Variants in CACNB2 observed in about 807,000 individuals in gnomAD.
The protein encoded by CACNB2 is voltage-dependent L-type calcium channel subunit beta-2.
CACNB2 carries 42 observed loss-of-function variants against 73.3 expected under a neutral mutation model. The ratio of observed to expected loss-of-function variants is 0.57; its 90% CI spans 0.45 to 0.74. The LOEUF (loss-of-function observed/expected upper bound fraction) is 0.74. Among genes scored for constraint, CACNB2 ranks in the 30% least tolerant of loss-of-function variants. CACNB2 has a pLI of 0.00. For missense variants in CACNB2, 940 were observed against 853.0 expected (o/e 1.10, Z -1.27); for synonymous variants, 348 against 310.3 (o/e 1.12, Z -1.28).
chr10:18,506,431 A>C (rs767129287), intron 5 of CACNB2, 40 bp from the exon 6 acceptor site: 1 of 1,050,538 alleles, frequency 9.5e-7, no homozygotes, highest in African/African-American at 1.6e-5. Flanking sequence ...AGGATGCGAA[A>C]TAAGTGTCAG....
At chr10:18,264,748 G>A (rs139367671) in intron 2 of CACNB2, among the ~76,000 whole-genome samples, 8 of 152,308 alleles carry the variant, frequency 5.3e-5, no homozygotes, top group Admixed American at 5.2e-4. Flanking sequence ...GTGGCTCTGT[G>A]ATGACTTAGT....
At chr10:18,194,421 G>C (rs1314260612) in intron 2 of CACNB2, among the ~76,000 whole-genome samples, 1 of 152,100 alleles carries the variant, frequency 6.6e-6, no homozygotes, top group East Asian at 1.9e-4. Context: ...CAGTTTGTCA[G>C]GGATTCTAGA....
chr10:18,175,893 C>T (rs752635333), intron 2 of CACNB2, among the ~76,000 whole-genome samples: 4 of 152,152 alleles, frequency 2.6e-5, no homozygotes, highest in African/African-American at 2.4e-5. Context: ...CCGCTGCACC[C>T]GGCCTCTGGC....
At chr10:18,146,345 G>A (rs1226974182) in intron 1 of CACNB2, among the ~76,000 whole-genome samples, 2 of 141,554 alleles carry the variant, frequency 1.4e-5, no homozygotes, top group Admixed American at 7.3e-5. Flanking sequence ...TGTCTCACTC[G>A]GTAGCCCAGG....
intron 2 of CACNB2, among the ~76,000 whole-genome samples, chr10:18,217,118 G>A (rs2035543532): frequency 6.6e-6 from 1 of 152,130 alleles, no homozygotes; most frequent in Non-Finnish European, 1.5e-5. Context: ...GGGACCCTGT[G>A]TGCACCCCAG....
chr10:18,469,585 G>T (rs1416448308), intron 3 of CACNB2, among the ~76,000 whole-genome samples: 1 of 152,134 alleles, frequency 6.6e-6, no homozygotes, highest in African/African-American at 2.4e-5. Flanking sequence ...CCCCTATGTG[G>T]GGTGGTTCTT....
Position 18,539,721 on chromosome 10 carries a change from A to T in CACNB2, c.1980A>T (p.Gln660His). The T allele has an allele frequency of 6.2e-7, 1 of 1,602,446 alleles. No individual in the cohort carries two copies. The stretch of plus-strand genomic sequence containing the variant: ...GGAACAGGGATGTTTACATCCGCCA[A>T]TGAGTTTTGCCCGTTTGTGTTTTTT... ...GEWNRDVYIRQ is the reference protein window; with the variant it reads ...GEWNRDVYIRH Residue 660 changes from glutamine (Q) to histidine (H), a missense_variant, in exon 14 of 14, where the codon CAA (glutamine) becomes CAT (histidine). Physicochemically the swap from Gln to His is conservative, Grantham distance 24. Coordinates refer to ENST00000324631, the MANE Select transcript of CACNB2 (RefSeq NM_201596.3).
intron 4 of CACNB2, among the ~76,000 whole-genome samples, chr10:18,500,495 G>T (rs573806164): frequency 6.6e-6 from 1 of 152,090 alleles, no homozygotes; most frequent in African/African-American, 2.4e-5. Context: ...AAGATCTCTT[G>T]GTAGGATGGG....
chr10:18,176,950 T>A (rs1457062895), intron 2 of CACNB2, among the ~76,000 whole-genome samples: 5 of 151,684 alleles, frequency 3.3e-5, no homozygotes, highest in African/African-American at 1.2e-4. Context: ...TTCCAGAACT[T>A]GTTAGTGATG....
chr10:18,479,350 G>T (rs1054412529), intron 3 of CACNB2, among the ~76,000 whole-genome samples: 1 of 152,098 alleles, frequency 6.6e-6, no homozygotes, highest in Non-Finnish European at 1.5e-5. Flanking sequence ...GATCTGTGCT[G>T]AGAAATTACT....
chr10:18,419,098 G>A (rs545191098), intron 3 of CACNB2, among the ~76,000 whole-genome samples: 2 of 152,318 alleles, frequency 1.3e-5, no homozygotes, highest in East Asian at 3.9e-4. Context: ...GAGATCTTTG[G>A]CTGTGACAAT....
At chr10:18,316,421 C>G (rs1437463049) in intron 2 of CACNB2, among the ~76,000 whole-genome samples, 1 of 151,522 alleles carries the variant, frequency 6.6e-6, no homozygotes, top group Non-Finnish European at 1.5e-5. Flanking sequence ...AATTAAAAAT[C>G]TGTATTGATA....
intron 2 of CACNB2, among the ~76,000 whole-genome samples, chr10:18,155,270 C>T (rs2031948263): frequency 6.6e-6 from 1 of 152,106 alleles, no homozygotes. Context: ...TTTGTTTTAC[C>T]TGTTTTTGCA....
intron 2 of CACNB2, among the ~76,000 whole-genome samples, chr10:18,249,501 G>A (rs1389621174): frequency 6.6e-6 from 1 of 152,038 alleles, no homozygotes; most frequent in Non-Finnish European, 1.5e-5. Flanking sequence ...GTATCAAATT[G>A]TTCACCTCGC....
At chr10:18,531,804 CTGT>C (rs2053058958) in intron 10 of CACNB2, 1 of 151,598 alleles carries the variant, frequency 6.6e-6, no homozygotes. Context: ...AACATTGTTC[CTGT>C]TGTTGTTTAT....
At chr10:18,301,201 T>C (rs1174596536) in intron 2 of CACNB2, among the ~76,000 whole-genome samples, 1 of 152,188 alleles carries the variant, frequency 6.6e-6, no homozygotes, top group Non-Finnish European at 1.5e-5. Context: ...ACATTTATCG[T>C]TGTTATTAAC....
chr10:18,205,088 A>T (rs1038085956), intron 2 of CACNB2, among the ~76,000 whole-genome samples: 25 of 18,618 alleles, frequency 1.3e-3, no homozygotes, highest in Admixed American at 0.013. Context: ...AGGGTTTTTA[A>T]AAAAAAATTC....
At position 18,475,162 on chromosome 10, in the gene CACNB2, C is replaced by T. The variant is rs1177689438; in HGVS notation, c.334-23193C>T. Among the ~76,000 whole-genome samples, 5 of 151,668 alleles carry T rather than the reference C, an allele frequency of 3.3e-5. No homozygotes were observed. The East Asian group carries it at 9.6e-4, about 29-fold the overall frequency. ...ATCCATGCCGTATCTAGGTACGCCA[C>T]CCTTCCAGCACGGCCCTGGGGTCAC... On this transcript the variant is annotated intron_variant, in intron 3 of 13. Coordinates refer to ENST00000324631, the MANE Select transcript of CACNB2 (RefSeq NM_201596.3).
At position 18,498,074 on chromosome 10, in the gene CACNB2, AAC is replaced by A. The variant is rs143162094; in HGVS notation, c.334-277_334-276del. ...AGTTGCTACAAGCGCCAATGTTGAA[AAC>A]ACATATTTCCGTGGCTCTTCTTCAC... is the stretch of plus-strand genomic sequence containing the variant. On this transcript the variant is annotated intron_variant, in intron 3 of 13. Coordinates refer to ENST00000324631, the MANE Select transcript of CACNB2 (RefSeq NM_201596.3). 0.047 allele frequency among the ~76,000 whole-genome samples: 7,182 copies of A among 152,234 alleles called. 283 individuals carry two copies. Among genetic ancestry groups the A allele is most frequent in the African/African-American group, 0.11 (4,607 of 41,514 alleles).
Sources: allele counts gnomAD v4.1 joint callset (sites outside exome capture counted in the v4.1 genomes callset), GRCh38; gene constraint gnomAD v4.1.1; transcripts MANE v1.5; gene names NCBI Gene and HGNC (gene_info 2026-07-23, HGNC 2026-07-21).